Variants in HTR1F observed in about 807,000 individuals in gnomAD.
The protein encoded by HTR1F is 5-hydroxytryptamine (serotonin) receptor 1F, G protein-coupled.
A neutral mutation model predicts 24.0 loss-of-function variants in HTR1F; 17 were observed. That is an observed-to-expected ratio of 0.71 (90% CI 0.48 to 1.06). HTR1F has a LOEUF of 1.06. Among genes scored for constraint, HTR1F ranks in the 50% least tolerant of loss-of-function variants. The pLI is 0.00. For missense variants in HTR1F, 391 were observed against 427.8 expected, an observed-to-expected ratio of 0.91 and a Z score of 0.76; for synonymous variants, 186 against 156.8, an observed-to-expected ratio of 1.19 and a Z score of -1.39.
At chr3:87,812,734 G>A (rs1704182395) in intron 1 of HTR1F, among the ~76,000 whole-genome samples, 1 of 152,188 alleles carries the variant, frequency 6.6e-6, no homozygotes, top group African/African-American at 2.4e-5. Context: ...CTTGGGCCTG[G>A]CCAAGGGCCA....
chr3:87,819,850 A>G (rs1704320924), intron 1 of HTR1F, among the ~76,000 whole-genome samples: 1 of 152,062 alleles, frequency 6.6e-6, no homozygotes, highest in Non-Finnish European at 1.5e-5. Context: ...AAAATTTATG[A>G]TTACTGTTGA....
intron 2 of HTR1F, among the ~76,000 whole-genome samples, chr3:87,914,354 C>T (rs1250366849): frequency 6.6e-6 from 1 of 152,152 alleles, no homozygotes; most frequent in Non-Finnish European, 1.5e-5. Context: ...CTGGCCAGAA[C>T]TCGGCAGAGG....
chr3:87,836,021 A>G (rs1470468402), intron 2 of HTR1F, among the ~76,000 whole-genome samples: 1 of 152,206 alleles, frequency 6.6e-6, no homozygotes, highest in Non-Finnish European at 1.5e-5. Flanking sequence ...CACTAAACCT[A>G]TAATAATTCT....
chr3:87,990,270 A>T (rs1705790506), intron 2 of HTR1F, among the ~76,000 whole-genome samples: 1 of 152,166 alleles, frequency 6.6e-6, no homozygotes, highest in African/African-American at 2.4e-5. Context: ...CAGCCTTTGA[A>T]TAAGGGCACT....
chr3:87,963,597 T>C lies in HTR1F; in HGVS notation c.-42-27111T>C, dbSNP rs189063878. Among the ~76,000 whole-genome samples the C allele has an allele frequency of 2.5e-3, 378 of 152,280 alleles. 2 individuals are homozygous for C. The highest frequency in any genetic ancestry group is 4.0e-3 in the Non-Finnish European group (270 of 68,012). On this transcript the variant is annotated intron_variant, in intron 2 of 2. Coordinates refer to ENST00000319595, the MANE Select transcript of HTR1F (RefSeq NM_001322209.2). ...GGCAACCTCCAGATTCTATGCCTTT[T>C]GACATTTCTGTGGGCCTCAAATGTT...
intron 2 of HTR1F, among the ~76,000 whole-genome samples, chr3:87,830,271 C>G (rs1328374166): frequency 1.3e-5 from 2 of 152,056 alleles, no homozygotes; most frequent in African/African-American, 4.8e-5. Context: ...AAAGGTAGAA[C>G]AGTTTTCCTC....
intron 2 of HTR1F, among the ~76,000 whole-genome samples, chr3:87,939,685 T>C (rs1039796828): frequency 2.0e-5 from 3 of 152,202 alleles, no homozygotes; most frequent in African/African-American, 7.2e-5. Flanking sequence ...TAGTAGTTTG[T>C]ATTTCTGTGG....
chr3:87,844,268 C>T (rs1185463541), intron 2 of HTR1F, among the ~76,000 whole-genome samples: 2 of 151,514 alleles, frequency 1.3e-5, no homozygotes, highest in East Asian at 3.8e-4. Flanking sequence ...TTGCGTTTCT[C>T]TGATGGCCAG....
chr3:87,955,764 T>G (rs2107469991), intron 2 of HTR1F, among the ~76,000 whole-genome samples: 1 of 151,642 alleles, frequency 6.6e-6, no homozygotes. Flanking sequence ...AATTTCATTA[T>G]CATTTAAAAT....
chr3:87,940,558 G>A (rs975069775), intron 2 of HTR1F, among the ~76,000 whole-genome samples: 25 of 152,094 alleles, frequency 1.6e-4, no homozygotes, highest in African/African-American at 4.6e-4. Context: ...TCAATATCAC[G>A]AAAATATAGA....
chr3:87,853,153 A>G (rs1475337381), intron 2 of HTR1F, among the ~76,000 whole-genome samples: 2 of 151,706 alleles, frequency 1.3e-5, no homozygotes, highest in African/African-American at 4.8e-5. Flanking sequence ...TGTACAGATT[A>G]TTTTGTCACA....
At chr3:87,912,332 A>T (rs1181235525) in intron 2 of HTR1F, among the ~76,000 whole-genome samples, 2 of 152,150 alleles carry the variant, frequency 1.3e-5, no homozygotes, top group Non-Finnish European at 1.5e-5. Context: ...TGCTAAAAAA[A>T]GGATAAAATA....
intron 1 of HTR1F, among the ~76,000 whole-genome samples, chr3:87,799,333 A>G (rs1703957760): frequency 1.3e-5 from 2 of 152,200 alleles, no homozygotes; most frequent in African/African-American, 2.4e-5. Flanking sequence ...TCATACCTGC[A>G]TACAACAATG....
rs201796829 is a variant in HTR1F, at chr3:87,932,934, C to A, written c.-42-57774C>A. Among the ~76,000 whole-genome samples the A allele has an allele frequency of 2.7e-3, 401 of 150,234 alleles. 8 individuals carry two copies. In the East Asian group the frequency reaches 0.036, roughly 14 times the overall value. On this transcript the variant is annotated intron_variant, in intron 2 of 2. Coordinates refer to ENST00000319595, the MANE Select transcript of HTR1F (RefSeq NM_001322209.2). ...ATTTTAGACCAATATCCTTGATGAA[C>A]ATTGATGCAAAAATCCTCAATAAAA...
At position 87,992,120 on chromosome 3, in the gene HTR1F, T is replaced by A. The variant is rs183024961; in HGVS notation, c.*270T>A. The A allele has an allele frequency of 2.4e-4, 50 of 206,316 alleles. No homozygotes were observed. Among genetic ancestry groups the A allele is most frequent in the African/African-American group, 5.1e-4 (22 of 42,960 alleles). The allele number at this position is 206,316 out of a possible 1,614,324, so 12.8% of individuals were successfully genotyped here. On this transcript the variant is annotated 3_prime_UTR_variant, in exon 3 of 3. Coordinates refer to ENST00000319595, the MANE Select transcript of HTR1F (RefSeq NM_001322209.2). Reference sequence around the variant, plus strand: ...TTCCTAAAAAGCTAACTGGAAAAAATATATATATATACAATAGTAATGACA... The same window carrying A: ...TTCCTAAAAAGCTAACTGGAAAAAAAATATATATATACAATAGTAATGACA...
At chr3:87,827,258 C>T (rs1351661370) in intron 2 of HTR1F, among the ~76,000 whole-genome samples, 1 of 152,034 alleles carries the variant, frequency 6.6e-6, no homozygotes, top group Non-Finnish European at 1.5e-5. Flanking sequence ...CTCCCCGCAA[C>T]CCCCAACAGG....
chr3:87,844,823 A>C (rs566546279), intron 2 of HTR1F, among the ~76,000 whole-genome samples: 1 of 149,626 alleles, frequency 6.7e-6, no homozygotes, highest in Non-Finnish European at 1.5e-5. Flanking sequence ...AGGTTTGTCA[A>C]AGATCAGATA....
At chr3:87,880,045 C>T (rs888958055) in intron 2 of HTR1F, among the ~76,000 whole-genome samples, 1 of 151,970 alleles carries the variant, frequency 6.6e-6, no homozygotes, top group African/African-American at 2.4e-5. Context: ...ATGAACTTTT[C>T]TTACTGAGTG....
chr3:87,980,935 G>T (rs1705527492), intron 2 of HTR1F, among the ~76,000 whole-genome samples: 1 of 152,220 alleles, frequency 6.6e-6, no homozygotes, highest in East Asian at 1.9e-4. Context: ...GGGTTCCCAT[G>T]ACCCTGAGAG....
Sources: gnomAD v4.1 joint callset for allele counts (sites outside exome capture counted in the v4.1 genomes callset) on GRCh38, gnomAD v4.1.1 for gene constraint, MANE v1.5 for transcripts, NCBI Gene and HGNC (gene_info 2026-07-23, HGNC 2026-07-21) for gene names.